Variants in FCRL6 observed in about 807,000 individuals in gnomAD.
FCRL6 encodes Fc receptor-like protein 6.
FCRL6 carries 50 observed loss-of-function variants against 49.1 expected under a neutral mutation model. The observed-to-expected ratio is 1.02, with a 90% CI of 0.81 to 1.29. The LOEUF is 1.29. Ranked by LOEUF, FCRL6 falls within the 50% of genes most tolerant of loss-of-function variation. The probability of loss-of-function intolerance (pLI) is 0.00; values close to 1 mark genes in which losing one functional copy is unlikely to be tolerated. For missense variants in FCRL6, 571 were observed against 518.5 expected (o/e 1.10, Z -0.98); for synonymous variants, 213 against 199.6 (o/e 1.07, Z -0.57).
intron 2 of FCRL6, 72 bp downstream of exon 2, chr1:159,806,688 C>G (rs958673587): frequency 6.9e-5 from 103 of 1,489,444 alleles, no homozygotes; most frequent in Non-Finnish European, 9.4e-5. Flanking sequence ...GGGAACAGGA[C>G]AGTGCCATGG....
At chr1:159,800,726 T>C (rs1662274405), upstream of FCRL6, 2 of 879,090 alleles carry the variant, frequency 2.3e-6, no homozygotes, top group Non-Finnish European at 3.7e-6. Context: ...AGTTTCCCAC[T>C]TCCACTGAGT....
At chr1:159,806,463 G>T (rs114898402) in intron 1 of FCRL6, 133 bp from the exon 2 acceptor site, 3 of 785,350 alleles carry the variant, frequency 3.8e-6, no homozygotes, top group Non-Finnish European at 4.6e-6. Context: ...CTGTGTGGAT[G>T]GGTGGCTAGG....
chr1:159,812,932 C>G (rs1238769644), intron 6 of FCRL6, among the ~76,000 whole-genome samples: 1 of 152,188 alleles, frequency 6.6e-6, no homozygotes, highest in Non-Finnish European at 1.5e-5. Flanking sequence ...GATTCTGTCT[C>G]CACTACTTAC....
Position 159,809,150 on chromosome 1 carries a change from C to G in FCRL6, c.509C>G (p.Ala170Gly), listed in dbSNP as rs1450007519. Reference protein sequence around the residue: ...GPHPELCIPGAKEGDSGLYWC... With the variant: ...GPHPELCIPGGKEGDSGLYWC... ...CACCCAGAACTCTGCATCCCGGGAG[C>G]CAAGGAGGGAGACTCTGGGCTTTAC... is the stretch of plus-strand genomic sequence containing the variant. Residue 170 changes from alanine to glycine, a missense_variant, in exon 4 of 10, where the codon GCC (alanine) becomes GGC (glycine). By Grantham distance (60) the Ala-to-Gly change is moderately conservative. Coordinates refer to ENST00000368106, the MANE Select transcript of FCRL6 (RefSeq NM_001004310.3). The G allele has an allele frequency of 6.2e-7, 1 of 1,613,898 alleles. No individual in the cohort carries two copies. The highest frequency in any genetic ancestry group is 2.2e-5 in the East Asian group (1 of 44,870).
chr1:159,809,659 G>C lies in FCRL6; in HGVS notation c.862G>C (p.Glu288Gln). The C allele has an allele frequency of 6.2e-7, 1 of 1,614,080 alleles. No individual in the cohort carries two copies. The highest frequency in any genetic ancestry group is 1.1e-5 in the South Asian group (1 of 91,084). The stretch of plus-strand genomic sequence containing the variant: ...GAACAGTGTCTCCAGAGAGAGGAGT[G>C]AGCCCAAGAAGCTGTCTCTGAAGGG... ...AENSVSRERS[E>Q]PKKLSLKGSQ... Residue 288 changes from glutamate to glutamine, a missense_variant, in exon 5 of 10, where the codon GAG becomes CAG. Coordinates refer to ENST00000368106, the MANE Select transcript of FCRL6 (RefSeq NM_001004310.3).
intron 2 of FCRL6, 97 bp downstream of exon 2, chr1:159,806,713 A>C: frequency 8.1e-7 from 1 of 1,239,024 alleles, no homozygotes; most frequent in Non-Finnish European, 1.2e-6. Flanking sequence ...CCCCAGAAAC[A>C]TCTGCAGAGC....
intron 5 of FCRL6, 45 bp downstream of exon 5, chr1:159,809,728 C>A (rs1662977500): frequency 1.3e-6 from 2 of 1,561,404 alleles, no homozygotes; most frequent in Non-Finnish European, 8.8e-7. Context: ...AGCAAGCTGG[C>A]AGGGGTCAGA....
At chr1:159,806,762 G>C in intron 2 of FCRL6, 146 bp downstream of exon 2, 3 of 842,134 alleles carry the variant, frequency 3.6e-6, no homozygotes, top group Non-Finnish European at 6.1e-6. Context: ...GTCTTGGCCA[G>C]TTCCTAGGAA....
upstream of FCRL6, among the ~76,000 whole-genome samples, chr1:159,800,944 T>G (rs1662294296): frequency 6.6e-6 from 1 of 152,122 alleles, no homozygotes; most frequent in Admixed American, 6.5e-5. Flanking sequence ...GAAAATCACT[T>G]GAACCTGGGA....
upstream of FCRL6, chr1:159,802,313 C>T: frequency 8.5e-7 from 1 of 1,175,076 alleles, no homozygotes; most frequent in Non-Finnish European, 1.2e-6. Context: ...TATAGCACCA[C>T]CCAGCTCAGG....
chr1:159,802,386 T>G lies in FCRL6; in HGVS notation c.-39T>G. 5.6e-6 allele frequency: 9 copies of G among 1,612,980 alleles called. No individual in the cohort carries two copies. Among genetic ancestry groups the G allele is most frequent in the Non-Finnish European group, 7.6e-6 (9 of 1,179,416 alleles). On this transcript the variant is annotated 5_prime_UTR_variant, in exon 1 of 10. Coordinates refer to ENST00000368106, the MANE Select transcript of FCRL6 (RefSeq NM_001004310.3). ...TCTGCCGGCTTCGCCCTGACCTGTT[T>G]CTGACCTGTGTTCCCTCCGCTGTGC...
rs1662960178 is a variant in FCRL6, at chr1:159,809,537, T to C, written c.740T>C (p.Ile247Thr). ...ILYSFYLDEK[I>T]VGNHSAPCGG... ...TATTCCTTCTACCTTGATGAGAAGA[T>C]TGTGGGGAACCACTCAGCTCCCTGT... Residue 247 changes from isoleucine (I) to threonine (T), a missense_variant, in exon 5 of 10, where the codon ATT becomes ACT. Ile to Thr is a moderately conservative substitution (Grantham distance 89). Coordinates refer to ENST00000368106, the MANE Select transcript of FCRL6 (RefSeq NM_001004310.3). 2 of 1,614,058 alleles carry C rather than the reference T, an allele frequency of 1.2e-6. No homozygotes were observed. The highest frequency in any genetic ancestry group is 1.6e-4 in the Middle Eastern group (1 of 6,084).
At chr1:159,801,374 T>C (rs548679757), upstream of FCRL6, among the ~76,000 whole-genome samples, 67 of 152,316 alleles carry the variant, frequency 4.4e-4, no homozygotes, top group African/African-American at 1.5e-3. Context: ...CCACTAGTGG[T>C]GTACAAGAGT....
At chr1:159,805,179 G>T (rs1245031497) in intron 1 of FCRL6, among the ~76,000 whole-genome samples, 1 of 152,120 alleles carries the variant, frequency 6.6e-6, no homozygotes, top group Non-Finnish European at 1.5e-5. Context: ...ATAAAGAAGA[G>T]ACTCATTGTT....
chr1:159,810,064 T>C lies in FCRL6; in HGVS notation c.887-30T>C. 4 of 1,602,700 alleles carry C rather than the reference T, an allele frequency of 2.5e-6. No individual in the cohort carries two copies. In the South Asian group the frequency reaches 4.5e-5, roughly 18 times the overall value. On this transcript the variant is annotated intron_variant, in intron 5 of 9. Coordinates refer to ENST00000368106, the MANE Select transcript of FCRL6 (RefSeq NM_001004310.3). The stretch of plus-strand genomic sequence containing the variant: ...CATTTCCGAATTTTATCTTCAGTGC[T>C]CATGGCCACCTTCTTCTCCCTGCTC...
At chr1:159,801,302 CTG>C (rs891338049), upstream of FCRL6, among the ~76,000 whole-genome samples, 1 of 152,188 alleles carries the variant, frequency 6.6e-6, no homozygotes, top group African/African-American at 2.4e-5. Flanking sequence ...TCAGGGATCC[CTG>C]TGTTTAGTTT....
chr1:159,810,323 G>C (rs1381905385), intron 6 of FCRL6, 107 bp downstream of exon 6: 2 of 1,375,946 alleles, frequency 1.5e-6, no homozygotes, highest in Non-Finnish European at 2.0e-6. Context: ...CTTCTCCTGG[G>C]TGTGGAGTGG....
At chr1:159,809,833 G>T in intron 5 of FCRL6, 150 bp downstream of exon 5, 1 of 791,650 alleles carries the variant, frequency 1.3e-6, no homozygotes. Context: ...TAGTCCATCT[G>T]TCCACTGAGC....
chr1:159,806,619 A>G lies in FCRL6; in HGVS notation c.52+3A>G, dbSNP rs572690132. The G allele has an allele frequency of 6.2e-7, 1 of 1,613,782 alleles. No homozygotes were observed. Among genetic ancestry groups the G allele is most frequent in the Non-Finnish European group, 8.5e-7 (1 of 1,179,622 alleles). Reference sequence around the variant, plus strand: ...AGTTCCCTGTGTTGGGAAAACTGGTAAGTTGTGTCCATGTCTCTTCTAATT... The same window carrying G: ...AGTTCCCTGTGTTGGGAAAACTGGTGAGTTGTGTCCATGTCTCTTCTAATT... On this transcript the variant is annotated splice_donor_region_variant and intron_variant, in intron 2 of 9. Coordinates refer to ENST00000368106, the MANE Select transcript of FCRL6 (RefSeq NM_001004310.3).
Sources: gnomAD v4.1 joint callset for allele counts (sites outside exome capture counted in the v4.1 genomes callset) on GRCh38, gnomAD v4.1.1 for gene constraint, MANE v1.5 for transcripts, NCBI Gene and HGNC (gene_info 2026-07-23, HGNC 2026-07-21) for gene names.